Variants in GNAL observed in about 807,000 individuals in gnomAD.
GNAL encodes guanine nucleotide-binding protein G(olf) subunit alpha.
A neutral mutation model predicts 55.1 loss-of-function variants in GNAL; 18 were observed. The observed-to-expected ratio is 0.33, with a 90% CI of 0.23 to 0.48. The LOEUF (loss-of-function observed/expected upper bound fraction) is 0.48, where lower values mean the gene tolerates loss of function less well. Among genes scored for constraint, GNAL ranks in the 20% least tolerant of loss-of-function variants. GNAL has a pLI of 0.99. For missense variants in GNAL, 412 were observed against 614.1 expected, an observed-to-expected ratio of 0.67 and a Z score of 3.48; for synonymous variants, 253 against 237.0, an observed-to-expected ratio of 1.07 and a Z score of -0.62.
intron 5 of GNAL, among the ~76,000 whole-genome samples, chr18:11,849,646 AG>A (rs1361096101): frequency 2.6e-5 from 4 of 152,196 alleles, no homozygotes; most frequent in Non-Finnish European, 5.9e-5. Flanking sequence ...TGAGCAGAGT[AG>A]GGGGCCTAAG....
intron 4 of GNAL, among the ~76,000 whole-genome samples, chr18:11,785,804 G>A (rs2034040144): frequency 6.6e-6 from 1 of 152,088 alleles, no homozygotes; most frequent in African/African-American, 2.4e-5. Context: ...GCCATGAATG[G>A]GTTAAGCAGC....
chr18:11,778,160 G>C (rs1206492549), intron 4 of GNAL, among the ~76,000 whole-genome samples: 1 of 152,206 alleles, frequency 6.6e-6, no homozygotes, highest in Non-Finnish European at 1.5e-5. Flanking sequence ...TTGAGGAAGG[G>C]AGGGAGAGCT....
At chr18:11,871,851 A>C (rs898214549) in intron 9 of GNAL, among the ~76,000 whole-genome samples, 2 of 152,270 alleles carry the variant, frequency 1.3e-5, no homozygotes, top group Non-Finnish European at 2.9e-5. Context: ...GCTTAACTAC[A>C]GATTGAGTAT....
chr18:11,852,271 T>A, intron 5 of GNAL: 2 of 839,164 alleles, frequency 2.4e-6, no homozygotes, highest in Non-Finnish European at 3.7e-6. Context: ...ATTAAGAAAT[T>A]CAGTATTTCT....
chr18:11,698,228 C>T (rs558847895), intron 1 of GNAL, among the ~76,000 whole-genome samples: 12 of 152,162 alleles, frequency 7.9e-5, no homozygotes, highest in African/African-American at 2.7e-4. Context: ...CGCGGTGGCT[C>T]ATGCCTGTAA....
chr18:11,815,860 CA>C, intron 4 of GNAL, among the ~76,000 whole-genome samples: 1 of 151,966 alleles, frequency 6.6e-6, no homozygotes, highest in South Asian at 2.1e-4. Flanking sequence ...ATTGTTGAGC[CA>C]ACAGTTTCAT....
intron 1 of GNAL, among the ~76,000 whole-genome samples, chr18:11,702,930 C>G (rs1385226231): frequency 6.6e-6 from 1 of 151,988 alleles, no homozygotes; most frequent in African/African-American, 2.4e-5. Flanking sequence ...CCAGCCTGGT[C>G]AGCATGGCAA....
At chr18:11,775,429 C>G (rs951464991) in intron 4 of GNAL, among the ~76,000 whole-genome samples, 1 of 152,242 alleles carries the variant, frequency 6.6e-6, no homozygotes, top group Non-Finnish European at 1.5e-5. Flanking sequence ...ACATGCACGC[C>G]CCCGTGTAGT....
At chr18:11,749,590 G>C (rs928579238) in intron 1 of GNAL, among the ~76,000 whole-genome samples, 15 of 152,176 alleles carry the variant, frequency 9.9e-5, no homozygotes, top group African/African-American at 3.6e-4. Context: ...ACAAGGATAG[G>C]CTCAGCCTCC....
At chr18:11,735,522 A>G (rs929185149) in intron 1 of GNAL, among the ~76,000 whole-genome samples, 1 of 152,044 alleles carries the variant, frequency 6.6e-6, no homozygotes, top group Non-Finnish European at 1.5e-5. Context: ...AGGCTGAGGC[A>G]GGAGAATCAC....
chr18:11,820,960 T>TC (rs1431417673), intron 4 of GNAL, among the ~76,000 whole-genome samples: 4 of 152,236 alleles, frequency 2.6e-5, no homozygotes, highest in African/African-American at 9.6e-5. Flanking sequence ...TTCAAGCACT[T>TC]CTCTGTAATT....
chr18:11,788,914 A>AAAAATATATATATATAT (rs60071996), intron 4 of GNAL, among the ~76,000 whole-genome samples: 1 of 56,296 alleles, frequency 1.8e-5, no homozygotes, highest in African/African-American at 1.0e-4. Context: ...AAAAAAAAAA[A>AAAAATATATATATATAT]ATATATATAT....
intron 1 of GNAL, among the ~76,000 whole-genome samples, chr18:11,711,495 G>A (rs140807013): frequency 6.6e-6 from 1 of 151,682 alleles, no homozygotes; most frequent in African/African-American, 2.4e-5. Context: ...GTCTGCTCTT[G>A]AGCCCTGTAG....
rs201989995 is a variant in GNAL, at chr18:11,844,026, TC to T, written c.723-18367del. 9.6e-4 allele frequency among the ~76,000 whole-genome samples: 146 copies of T among 152,306 alleles called. 3 individuals are homozygous for T. In the East Asian group the frequency reaches 0.025, roughly 26 times the overall value. Reference sequence around the variant, plus strand: ...GGCCGAAAAGTTTAATTACAGTTATTCCTTGACGAAAAGAAATGGCCAAGAT... The same window carrying T: ...GGCCGAAAAGTTTAATTACAGTTATTCTTGACGAAAAGAAATGGCCAAGAT... On this transcript the variant is annotated intron_variant, in intron 5 of 11. Coordinates refer to ENST00000334049, the MANE Select transcript of GNAL (RefSeq NM_182978.4).
intron 4 of GNAL, among the ~76,000 whole-genome samples, chr18:11,755,346 T>C (rs2033015218): frequency 6.6e-6 from 1 of 152,144 alleles, no homozygotes; most frequent in African/African-American, 2.4e-5. Context: ...GTGGCGCGGC[T>C]CACTGAAAGC....
intron 4 of GNAL, among the ~76,000 whole-genome samples, chr18:11,797,775 A>G (rs953781828): frequency 2.0e-5 from 3 of 152,112 alleles, no homozygotes; most frequent in Non-Finnish European, 2.9e-5. Context: ...CAGAAAAAAA[A>G]AAAGAAAGAA....
chr18:11,876,007 G>T, intron 10 of GNAL, among the ~76,000 whole-genome samples: 1 of 152,248 alleles, frequency 6.6e-6, no homozygotes, highest in Non-Finnish European at 1.5e-5. Flanking sequence ...CATGAAGGCG[G>T]AGCCCTCGTG....
intron 5 of GNAL, chr18:11,852,015 G>A (rs1213540625): frequency 2.5e-6 from 4 of 1,613,660 alleles, no homozygotes; most frequent in East Asian, 2.2e-5. Flanking sequence ...ACATGGAGCT[G>A]CCGCAGGGCC....
intron 1 of GNAL, among the ~76,000 whole-genome samples, chr18:11,696,239 A>G (rs2031407468): frequency 2.0e-5 from 3 of 152,082 alleles, no homozygotes; most frequent in Admixed American, 2.0e-4. Flanking sequence ...GCGGTGGCTC[A>G]CCTCTGTAAT....
Sources: allele counts gnomAD v4.1 joint callset (sites outside exome capture counted in the v4.1 genomes callset), GRCh38; gene constraint gnomAD v4.1.1; transcripts MANE v1.5; gene names NCBI Gene and HGNC (gene_info 2026-07-23, HGNC 2026-07-21).